CDH8: variants seen among roughly 807,000 people sequenced by gnomAD.
CDH8 encodes the protein cadherin 8, also known as cadherin-8.
A neutral mutation model predicts 68.1 loss-of-function variants in CDH8; 17 were observed. The observed-to-expected ratio is 0.25, with a 90% CI of 0.17 to 0.37. CDH8 has a LOEUF of 0.37. Among genes scored for constraint, CDH8 ranks in the 10% least tolerant of loss-of-function variants. The pLI is 1.00. For missense variants in CDH8, 763 were observed against 999.3 expected (o/e 0.76, Z 3.19); for synonymous variants, 372 against 365.1 (o/e 1.02, Z -0.21).
intron 4 of CDH8, among the ~76,000 whole-genome samples, chr16:61,846,265 A>G (rs1246932179): frequency 2.0e-5 from 3 of 152,102 alleles, no homozygotes; most frequent in Non-Finnish European, 4.4e-5. Context: ...TCATTGCCTT[A>G]TATGTTTCCT....
chr16:61,892,265 G>A (rs2143199807), intron 3 of CDH8, among the ~76,000 whole-genome samples: 1 of 152,198 alleles, frequency 6.6e-6, no homozygotes, highest in Non-Finnish European at 1.5e-5. Flanking sequence ...AACCAAAAAT[G>A]TATTCTCATT....
At chr16:61,746,402 A>G (rs913198113) in intron 8 of CDH8, among the ~76,000 whole-genome samples, 2 of 151,894 alleles carry the variant, frequency 1.3e-5, no homozygotes, top group African/African-American at 2.4e-5. Context: ...AGTCACCTCA[A>G]TTTGTTTTCT....
chr16:61,703,571 TG>T (rs1414422509), intron 10 of CDH8, among the ~76,000 whole-genome samples: 2 of 152,212 alleles, frequency 1.3e-5, no homozygotes, highest in Non-Finnish European at 2.9e-5. Flanking sequence ...CCAGGTGCGG[TG>T]GCTCACGCCT....
At position 61,874,229 on chromosome 16, in the gene CDH8, A is replaced by G. The variant is rs1963420801; in HGVS notation, c.548-16991T>C. 3.3e-5 allele frequency among the ~76,000 whole-genome samples: 5 copies of G among 152,206 alleles called. 1 individual carries two copies. The South Asian group carries it at 1.0e-3, about 32-fold the overall frequency. On this transcript the variant is annotated intron_variant, in intron 3 of 11. Coordinates refer to ENST00000577390, the MANE Select transcript of CDH8 (RefSeq NM_001796.5). ...AATAGAATTTCAAACATTTTTAAAA[A>G]AGAGTCTTGAGCATATTGAAGGTAG... is the stretch of plus-strand genomic sequence containing the variant.
In CDH8 at chr16:61,729,318, A is replaced by T. The variant is rs376521568; in HGVS notation, c.1415-2103T>A. ...TCTGTGTGTGTGTATGTGTGTATGAAGGTTACTAATTACTACTATCTCCTC... is the reference window on the plus strand; with the variant it reads ...TCTGTGTGTGTGTATGTGTGTATGATGGTTACTAATTACTACTATCTCCTC... On this transcript the variant is annotated intron_variant, in intron 8 of 11. Coordinates refer to ENST00000577390, the MANE Select transcript of CDH8 (RefSeq NM_001796.5). 1.6e-4 allele frequency among the ~76,000 whole-genome samples: 24 copies of T among 151,188 alleles called. No individual in the cohort carries two copies. The East Asian group carries it at 4.1e-3, about 26-fold the overall frequency.
intron 2 of CDH8, among the ~76,000 whole-genome samples, chr16:61,964,600 T>C (rs182818754): frequency 6.6e-6 from 1 of 152,180 alleles, no homozygotes; most frequent in Non-Finnish European, 1.5e-5. Context: ...CCTGCTGTAC[T>C]TGGCTGAGGT....
rs74758358 is a variant in CDH8 at position 61,975,788 on chromosome 16, T to C, written c.252+45364A>G. Among the ~76,000 whole-genome samples the C allele has an allele frequency of 1.1e-4, 16 of 152,220 alleles. No homozygotes were observed. In the East Asian group the frequency reaches 3.1e-3, roughly 29 times the overall value. On this transcript the variant is annotated intron_variant, in intron 2 of 11. Transcript: ENST00000577390. The stretch of plus-strand genomic sequence containing the variant: ...TATTCTGTTTTTAAGGGGAAAATGA[T>C]AGGGCTCTAGAAAACTGAACTCCTC...
At chr16:61,902,181 T>C (rs1366790349) in intron 2 of CDH8, among the ~76,000 whole-genome samples, 1 of 152,182 alleles carries the variant, frequency 6.6e-6, no homozygotes, top group African/African-American at 2.4e-5. Context: ...TAGGAGTACA[T>C]TTTCCAGAAA....
intron 2 of CDH8, among the ~76,000 whole-genome samples, chr16:61,972,571 G>GGGGTGT (rs369833002): frequency 0.017 from 2,224 of 131,514 alleles, 65 homozygotes; most frequent in East Asian, 0.12. Flanking sequence ...ACACATTGTG[G>GGGGTGT]GTGTGTGTGT....
At chr16:61,792,593 A>G (rs1288041445) in intron 7 of CDH8, among the ~76,000 whole-genome samples, 1 of 152,016 alleles carries the variant, frequency 6.6e-6, no homozygotes, top group Non-Finnish European at 1.5e-5. Context: ...TATAATGAAT[A>G]ACAGAAAAAT....
intron 10 of CDH8, among the ~76,000 whole-genome samples, chr16:61,660,753 C>T (rs1355985909): frequency 6.6e-6 from 1 of 151,812 alleles, no homozygotes; most frequent in African/African-American, 2.4e-5. Flanking sequence ...GCCAGACGGA[C>T]GTGGGATAAC....
Position 61,983,802 on chromosome 16 carries a change from C to T in CDH8, c.252+37350G>A, listed in dbSNP as rs138302159. Reference sequence around the variant, plus strand: ...GATCAGGATAACAGCATATTGAGGGCTCTCTTTCTGGCTTACAGATGGCTG... The same window carrying T: ...GATCAGGATAACAGCATATTGAGGGTTCTCTTTCTGGCTTACAGATGGCTG... On this transcript the variant is annotated intron_variant, in intron 2 of 11. Transcript: ENST00000577390. Among the ~76,000 whole-genome samples the T allele has an allele frequency of 2.6e-5, 4 of 152,254 alleles. No individual in the cohort carries two copies. The East Asian group carries it at 7.7e-4, about 29-fold the overall frequency.
At chr16:61,868,040 T>C (rs897986605) in intron 3 of CDH8, among the ~76,000 whole-genome samples, 1 of 152,198 alleles carries the variant, frequency 6.6e-6, no homozygotes, top group Non-Finnish European at 1.5e-5. Flanking sequence ...ATTGTCCTTG[T>C]TATACAAGTG....
At chr16:61,868,880 G>A (rs746766456) in intron 3 of CDH8, among the ~76,000 whole-genome samples, 1 of 152,006 alleles carries the variant, frequency 6.6e-6, no homozygotes, top group African/African-American at 2.4e-5. Context: ...CTAAGCAATG[G>A]GTTTACAAAG....
chr16:61,680,971 C>A (rs1333796906), intron 10 of CDH8, among the ~76,000 whole-genome samples: 1 of 151,686 alleles, frequency 6.6e-6, no homozygotes, highest in East Asian at 1.9e-4. Flanking sequence ...TCCCTTTACA[C>A]CTACTGGAAT....
At chr16:61,919,708 T>C (rs1355307468) in intron 2 of CDH8, among the ~76,000 whole-genome samples, 2 of 151,876 alleles carry the variant, frequency 1.3e-5, no homozygotes, top group African/African-American at 4.8e-5. Flanking sequence ...CTGAAAGTGA[T>C]GGGGAGAATG....
chr16:61,696,120 C>A (rs1303201027), intron 10 of CDH8, among the ~76,000 whole-genome samples: 1 of 152,184 alleles, frequency 6.6e-6, no homozygotes, highest in Non-Finnish European at 1.5e-5. Flanking sequence ...GAGAGCCATT[C>A]TCTACTGAAA....
At chr16:61,886,241 T>C (rs1484061250) in intron 3 of CDH8, among the ~76,000 whole-genome samples, 5 of 152,178 alleles carry the variant, frequency 3.3e-5, no homozygotes, top group African/African-American at 1.2e-4. Context: ...GGAGCCAAGA[T>C]CTTTCACAAG....
chr16:61,812,790 C>T (rs78007249), intron 7 of CDH8, among the ~76,000 whole-genome samples: 2,181 of 152,244 alleles, frequency 0.014, 20 homozygotes, highest in Non-Finnish European at 0.022. Context: ...TCTAGAAGAG[C>T]GTGCATAGGT....
Sources: gnomAD v4.1 joint callset for allele counts (sites outside exome capture counted in the v4.1 genomes callset) on GRCh38, gnomAD v4.1.1 for gene constraint, MANE v1.5 for transcripts, NCBI Gene and HGNC (gene_info 2026-07-23, HGNC 2026-07-21) for gene names.